Variants in COLEC12 observed in about 807,000 individuals in gnomAD.
The protein encoded by COLEC12 is collectin-12.
Under a neutral mutation model 71.1 loss-of-function variants are expected in COLEC12, and 33 were observed. The ratio of observed to expected loss-of-function variants is 0.46; its 90% CI spans 0.35 to 0.62. The LOEUF (loss-of-function observed/expected upper bound fraction) is 0.62, where lower values mean the gene tolerates loss of function less well. Among genes scored for constraint, COLEC12 ranks in the 20% least tolerant of loss-of-function variants. COLEC12 has a pLI of 0.00. For synonymous variants in COLEC12, 350 were observed against 353.0 expected, an observed-to-expected ratio of 0.99 and a Z score of 0.10; for missense variants, 765 against 916.1, an observed-to-expected ratio of 0.84 and a Z score of 2.13.
chr18:457,488 G>T (rs913667218), intron 2 of COLEC12, among the ~76,000 whole-genome samples: 1 of 152,148 alleles, frequency 6.6e-6, no homozygotes, highest in African/African-American at 2.4e-5. Flanking sequence ...GTACAGTATT[G>T]AAGCAAAGCA....
At chr18:337,738 C>G (rs1275042462) in intron 5 of COLEC12, among the ~76,000 whole-genome samples, 2 of 152,146 alleles carry the variant, frequency 1.3e-5, no homozygotes, top group African/African-American at 4.8e-5. Flanking sequence ...GTGAAGGGTC[C>G]ATTTTCTCAG....
chr18:382,145 G>A (rs915966482), intron 2 of COLEC12, among the ~76,000 whole-genome samples: 1 of 152,172 alleles, frequency 6.6e-6, no homozygotes, highest in Non-Finnish European at 1.5e-5. Context: ...GGTCAAACAG[G>A]CATTGCAGAT....
chr18:452,555 G>A (rs769661070), intron 2 of COLEC12, among the ~76,000 whole-genome samples: 5 of 152,140 alleles, frequency 3.3e-5, no homozygotes, highest in Non-Finnish European at 7.3e-5. Flanking sequence ...CTATCAAAGA[G>A]CATTTGGTTA....
chr18:449,336 G>A (rs145056381), intron 2 of COLEC12, among the ~76,000 whole-genome samples: 55 of 152,230 alleles, frequency 3.6e-4, no homozygotes, highest in East Asian at 2.1e-3. Context: ...TAAGTTGAGA[G>A]GAAATCTGCT....
intron 2 of COLEC12, among the ~76,000 whole-genome samples, chr18:471,009 G>A (rs1443237137): frequency 6.6e-6 from 1 of 152,224 alleles, no homozygotes; most frequent in Non-Finnish European, 1.5e-5. Context: ...ATTTCTGCCA[G>A]AACCTTTGCA....
intron 1 of COLEC12, among the ~76,000 whole-genome samples, chr18:495,990 T>G (rs911751697): frequency 1.3e-5 from 2 of 152,234 alleles, no homozygotes; most frequent in Non-Finnish European, 2.9e-5. Flanking sequence ...GGGAAGTCTG[T>G]GTTAGGCTGG....
intron 2 of COLEC12, among the ~76,000 whole-genome samples, chr18:473,193 C>G (rs541438070): frequency 2.0e-5 from 3 of 152,050 alleles, no homozygotes; most frequent in Admixed American, 1.3e-4. Flanking sequence ...CCACCTCCCC[C>G]GCAAGCCCAC....
intron 5 of COLEC12, among the ~76,000 whole-genome samples, chr18:337,329 T>C (rs1357131650): frequency 6.6e-6 from 1 of 152,184 alleles, no homozygotes; most frequent in Non-Finnish European, 1.5e-5. Flanking sequence ...CCTACCTCTG[T>C]AGGGGGATCT....
rs1913627144 is a variant in COLEC12 at position 319,292 on chromosome 18, T to C, written c.*753A>G. On this transcript the variant is annotated 3_prime_UTR_variant, in exon 10 of 10. Coordinates refer to ENST00000400256, the MANE Select transcript of COLEC12 (RefSeq NM_130386.3). The stretch of plus-strand genomic sequence containing the variant: ...CAAGGATATTTCTAGACATTCCAAG[T>C]GATTGGTTCCTCTGAGGAAATGAAA... The C allele has an allele frequency of 7.1e-6, 1 of 141,092 alleles. No homozygotes were observed. Among genetic ancestry groups the C allele is most frequent in the African/African-American group, 2.7e-5 (1 of 37,630 alleles). 8.7% of individuals were successfully genotyped at this position (141,092 alleles called of 1,614,324 possible). A position where few individuals can be genotyped will look rare whatever the true frequency, so the allele number is the denominator to read the frequency against.
chr18:395,671 G>A (rs540091633), intron 2 of COLEC12, among the ~76,000 whole-genome samples: 3 of 152,272 alleles, frequency 2.0e-5, no homozygotes, highest in East Asian at 3.9e-4. Context: ...ACCAGAGCAC[G>A]TTTACATTTG....
intron 2 of COLEC12, 89 bp from the exon 3 acceptor site, chr18:357,611 A>G: frequency 9.0e-7 from 1 of 1,106,782 alleles, no homozygotes; most frequent in Middle Eastern, 3.1e-4. Flanking sequence ...TATTGGGACT[A>G]AGAATAATTT....
chr18:415,010 C>T (rs1915960004), intron 2 of COLEC12, among the ~76,000 whole-genome samples: 1 of 152,088 alleles, frequency 6.6e-6, no homozygotes, highest in African/African-American at 2.4e-5. Flanking sequence ...AACTACTGTC[C>T]CAAAGACAAG....
chr18:439,812 C>T (rs1035297660), intron 2 of COLEC12, among the ~76,000 whole-genome samples: 3 of 152,070 alleles, frequency 2.0e-5, no homozygotes, highest in Non-Finnish European at 2.9e-5. Flanking sequence ...AACAGAACTA[C>T]CATATGATCC....
At chr18:427,538 A>G (rs948672890) in intron 2 of COLEC12, among the ~76,000 whole-genome samples, 4 of 152,160 alleles carry the variant, frequency 2.6e-5, no homozygotes, top group Non-Finnish European at 4.4e-5. Flanking sequence ...TCTTCACTGG[A>G]GTCCCTAGAC....
chr18:354,227 A>G (rs569474387), intron 3 of COLEC12, among the ~76,000 whole-genome samples: 4 of 152,226 alleles, frequency 2.6e-5, no homozygotes, highest in Non-Finnish European at 4.4e-5. Context: ...ACCAAGCTCA[A>G]CTGTCCAAGA....
At chr18:449,921 T>C (rs190864557) in intron 2 of COLEC12, among the ~76,000 whole-genome samples, 1 of 152,386 alleles carries the variant, frequency 6.6e-6, no homozygotes, top group Non-Finnish European at 1.5e-5. Flanking sequence ...ATCATAATTT[T>C]GTTACTGACA....
chr18:377,380 G>T (rs570193952), intron 2 of COLEC12, among the ~76,000 whole-genome samples: 1 of 152,248 alleles, frequency 6.6e-6, no homozygotes, highest in Non-Finnish European at 1.5e-5. Flanking sequence ...TAAAGAACCC[G>T]TAGGAATTAG....
chr18:333,196 G>A, intron 6 of COLEC12, 53 bp from the exon 7 acceptor site: 1 of 1,496,234 alleles, frequency 6.7e-7, no homozygotes, highest in Non-Finnish European at 9.1e-7. Context: ...AAAGCACTCT[G>A]CCTTTCTTCA....
At chr18:465,278 T>C (rs2143741876) in intron 2 of COLEC12, among the ~76,000 whole-genome samples, 1 of 152,264 alleles carries the variant, frequency 6.6e-6, no homozygotes, top group Admixed American at 6.5e-5. Flanking sequence ...AATTTTTGTA[T>C]TTTTAGTAGA....
Sources: allele counts gnomAD v4.1 joint callset (sites outside exome capture counted in the v4.1 genomes callset), GRCh38; gene constraint gnomAD v4.1.1; transcripts MANE v1.5; gene names NCBI Gene and HGNC (gene_info 2026-07-23, HGNC 2026-07-21).